The following TRIM66 variants were observed in gnomAD, a reference collection of about 807,000 sequenced individuals.
TRIM66 encodes tripartite motif-containing protein 66.
TRIM66 carries 99 observed loss-of-function variants against 148.2 expected under a neutral mutation model. The observed-to-expected ratio is 0.67, with a 90% CI of 0.57 to 0.79. The LOEUF is 0.79. TRIM66 is among the 30% of genes least tolerant of loss of function. TRIM66 has a pLI of 0.00. For missense variants in TRIM66, 1,666 were observed against 1,697.9 expected (o/e 0.98, Z 0.33); for synonymous variants, 616 against 635.9 (o/e 0.97, Z 0.47).
chr11:8,618,098 A>T (rs1591990578), intron 24 of TRIM66, 95 bp from the exon 25 acceptor site: 2 of 1,221,074 alleles, frequency 1.6e-6, no homozygotes, highest in African/African-American at 3.0e-5. Flanking sequence ...TGCCAAGTCA[A>T]CGTATTTTAT....
chr11:8,638,679 T>C lies in TRIM66; in HGVS notation c.2285A>G (p.His762Arg), dbSNP rs1003189005. The C allele has an allele frequency of 3.2e-6, 5 of 1,547,508 alleles. No homozygotes were observed. The highest frequency in any genetic ancestry group is 4.0e-5 in the Admixed American group (2 of 50,040). Reference sequence around the variant, plus strand: ...CTTTCTCACCACATTTGGAGAGGAGTGCTGGATGGTGCTGTCCACTGGGGG... The same window carrying C: ...CTTTCTCACCACATTTGGAGAGGAGCGCTGGATGGTGCTGTCCACTGGGGG... ...SVPPVDSTIQ[H>R]SSPNVVRKHS... Residue 762 changes from histidine to arginine, a missense_variant, in exon 15 of 25, where the codon CAC becomes CGC. Transcript: ENST00000646038.
intron 4 of TRIM66, among the ~76,000 whole-genome samples, chr11:8,674,139 G>C (rs1045277034): frequency 3.9e-5 from 6 of 152,132 alleles, no homozygotes; most frequent in African/African-American, 1.4e-4. Flanking sequence ...CAAACTTTTT[G>C]GTCTTGGGAA....
At chr11:8,657,547 A>G (rs892020957) in intron 6 of TRIM66, among the ~76,000 whole-genome samples, 3 of 152,124 alleles carry the variant, frequency 2.0e-5, no homozygotes, top group African/African-American at 7.2e-5. Flanking sequence ...GCAGTCCCTG[A>G]TTACCTCTGT....
rs1391965313 is a variant in TRIM66, at chr11:8,640,869, C to G, written c.1506G>C (p.Gln502His). The G allele has an allele frequency of 3.2e-6, 5 of 1,550,326 alleles. No individual in the cohort carries two copies. Among genetic ancestry groups the G allele is most frequent in the Non-Finnish European group, 4.4e-6 (5 of 1,146,974 alleles). ...FRQPPEMVPQ[Q>H]LGSLQCSALL... Reference sequence around the variant, plus strand: ...GGGCAGAGCACTGCAGAGACCCCAGCTGCTGGGGCACCATCTCAGGGGGCT... The same window carrying G: ...GGGCAGAGCACTGCAGAGACCCCAGGTGCTGGGGCACCATCTCAGGGGGCT... The change falls in exon 14 of 25, where the codon CAG becomes CAC. Residue 502 changes from glutamine (Q) to histidine (H), a missense_variant. Around this residue, in one of 3 missense-constraint regions of TRIM66, gnomAD observed 1,431 missense variants for 1,412.4 expected, o/e 1.01. Coordinates refer to ENST00000646038, the MANE Select transcript of TRIM66 (RefSeq NM_001388022.1).
chr11:8,678,127 TTCA>T (rs1420272905), intron 3 of TRIM66: 1 of 152,234 alleles, frequency 6.6e-6, no homozygotes, highest in Non-Finnish European at 1.5e-5. Context: ...CACAAAAATG[TTCA>T]TACCATATAA....
chr11:8,632,945 C>T (rs1476299166), intron 15 of TRIM66, among the ~76,000 whole-genome samples: 1 of 152,092 alleles, frequency 6.6e-6, no homozygotes, highest in Non-Finnish European at 1.5e-5. Context: ...GTGAAAAGTG[C>T]CCAGTGCCCT....
At chr11:8,622,365 C>CACACACACACACACACACACATATATAT in intron 18 of TRIM66, among the ~76,000 whole-genome samples, 17 of 59,604 alleles carry the variant, frequency 2.9e-4, no homozygotes, top group African/African-American at 9.6e-4. Flanking sequence ...CACACACACA[C>CACACACACACACACACACACATATATAT]ATATATATAT....
At chr11:8,672,225 A>G (rs1343349863) in intron 5 of TRIM66, 23 bp downstream of exon 5, 1 of 1,536,198 alleles carries the variant, frequency 6.5e-7, no homozygotes, top group Admixed American at 2.0e-5. Flanking sequence ...CTGGAGGCTC[A>G]TGCCTCAGCC....
At position 8,641,222 on chromosome 11, in the gene TRIM66, T is replaced by C. The variant is rs762933939; in HGVS notation, c.1223-70A>G. ...CTCCCACCTTGCTACTTCCTGCTCCTGGGACAAAAGAACCTCATTCAACAA... is the reference window on the plus strand; with the variant it reads ...CTCCCACCTTGCTACTTCCTGCTCCCGGGACAAAAGAACCTCATTCAACAA... On this transcript the variant is annotated intron_variant, in intron 13 of 24. Coordinates refer to ENST00000646038, the MANE Select transcript of TRIM66 (RefSeq NM_001388022.1). 248 of 1,376,844 alleles carry C rather than the reference T, an allele frequency of 1.8e-4. 1 individual carries two copies. Among genetic ancestry groups the C allele is most frequent in the Non-Finnish European group, 7.2e-5 (74 of 1,021,808 alleles). The allele number at this position is 1,376,844 out of a possible 1,614,324, so 85.3% of individuals were successfully genotyped here.
At position 8,613,597 on chromosome 11, in the gene TRIM66, G is replaced by A. The variant is rs2033531813; in HGVS notation, c.*4347C>T. On this transcript the variant is annotated 3_prime_UTR_variant, in exon 25 of 25. Coordinates refer to ENST00000646038, the MANE Select transcript of TRIM66 (RefSeq NM_001388022.1). ...TTTTAATCTTGTGGAGAACTTGTTT[G>A]CAGGCTGTGTGGAGGTAACCAGTGG... is the stretch of plus-strand genomic sequence containing the variant. 6.6e-6 allele frequency: 1 copy of A among 152,328 alleles called. No homozygotes were observed. The allele number at this position is 152,328 out of a possible 1,614,324, so 9.4% of individuals were successfully genotyped here. A position where few individuals can be genotyped will look rare whatever the true frequency, so the allele number is the denominator to read the frequency against.
chr11:8,633,184 T>C (rs890457328), intron 15 of TRIM66, among the ~76,000 whole-genome samples: 1 of 152,156 alleles, frequency 6.6e-6, no homozygotes, highest in African/African-American at 2.4e-5. Flanking sequence ...TAGCCAGGCA[T>C]GGTGGAACAT....
chr11:8,666,616 A>AT (rs1457416883), intron 6 of TRIM66, among the ~76,000 whole-genome samples: 1 of 152,104 alleles, frequency 6.6e-6, no homozygotes, highest in Non-Finnish European at 1.5e-5. Flanking sequence ...AACTACCACC[A>AT]TTAACCCCAT....
rs1011918719 is a variant in TRIM66, at chr11:8,615,521, T to A, written c.*2423A>T. The A allele has an allele frequency of 6.6e-6, 1 of 151,948 alleles. No homozygotes were observed. The highest frequency in any genetic ancestry group is 2.4e-5 in the African/African-American group (1 of 41,356). The allele number at this position is 151,948 out of a possible 1,614,324, so 9.4% of individuals were successfully genotyped here. On this transcript the variant is annotated 3_prime_UTR_variant, in exon 25 of 25. Coordinates refer to ENST00000646038, the MANE Select transcript of TRIM66 (RefSeq NM_001388022.1). ...CCTCTGCAGGCAGTCACTTGGCTAG[T>A]AGGATTTTTTTTTTTTTAATTTCTA...
intron 16 of TRIM66, 55 bp downstream of exon 16, chr11:8,624,658 T>A (rs889528236): frequency 5.6e-5 from 83 of 1,475,014 alleles, no homozygotes; most frequent in Non-Finnish European, 6.9e-5. Context: ...CAGTGGCCAA[T>A]CTTTTGCCCA....
At chr11:8,642,334 T>C (rs1316592919) in intron 13 of TRIM66, among the ~76,000 whole-genome samples, 3 of 152,176 alleles carry the variant, frequency 2.0e-5, no homozygotes, top group African/African-American at 7.2e-5. Context: ...TAAACCTACA[T>C]ATCATTTGTC....
intron 13 of TRIM66, among the ~76,000 whole-genome samples, chr11:8,641,649 G>C (rs969553768): frequency 1.3e-5 from 2 of 152,152 alleles, no homozygotes; most frequent in Non-Finnish European, 2.9e-5. Flanking sequence ...CTAATACCAG[G>C]TGATACAGTT....
intron 6 of TRIM66, among the ~76,000 whole-genome samples, chr11:8,653,470 G>T (rs1029080844): frequency 6.6e-6 from 1 of 152,116 alleles, no homozygotes. Flanking sequence ...ATCATGCAGA[G>T]AAAGTTCTCA....
upstream of TRIM66, chr11:8,683,020 C>A: frequency 1.2e-6 from 1 of 851,028 alleles, no homozygotes; most frequent in Non-Finnish European, 1.8e-6. Flanking sequence ...CTCTAGGACA[C>A]GCGGGCCCCT....
chr11:8,649,774 GC>G lies in TRIM66; in HGVS notation c.557del (p.Gly186AlafsTer14), dbSNP rs752149030. 2.6e-6 allele frequency: 4 copies of G among 1,551,164 alleles called. No individual in the cohort carries two copies. The South Asian group carries it at 4.8e-5, about 18-fold the overall frequency. ...EEHRHSPVPG[G>X]PFFPRAQKGS... ...CCTTCTGGGCCCGAGGAAAGAATGGGCCCCCGGGGACAGGGCTGTGTCGGTG... is the reference window on the plus strand; with the variant it reads ...CCTTCTGGGCCCGAGGAAAGAATGGGCCCCGGGGACAGGGCTGTGTCGGTG... On this transcript the variant is annotated frameshift_variant, in exon 8 of 25. Transcript: ENST00000646038. LOFTEE classifies it high-confidence loss of function.
Sources: gnomAD v4.1 joint callset for allele counts (sites outside exome capture counted in the v4.1 genomes callset) on GRCh38, gnomAD v4.1.1 for gene constraint, gnomAD v4.1.1 regional missense constraint, MANE v1.5 for transcripts, NCBI Gene and HGNC (gene_info 2026-07-23, HGNC 2026-07-21) for gene names.